Variants in DPH6 observed in about 807,000 individuals in gnomAD.
The protein encoded by DPH6 is diphthamine biosynthesis 6, also known as diphthine--ammonia ligase.
A neutral mutation model predicts 38.2 loss-of-function variants in DPH6; 33 were observed. The observed-to-expected ratio is 0.86, with a 90% CI of 0.65 to 1.15. The LOEUF is 1.15. Among genes scored for constraint, DPH6 ranks in the 50% most tolerant of loss-of-function variants. DPH6 has a pLI of 0.00. For synonymous variants in DPH6, 108 were observed against 103.0 expected (o/e 1.05, Z -0.30); for missense variants, 325 against 320.0 (o/e 1.02, Z -0.12).
At chr15:35,392,029 A>G (rs2053066447) in intron 6 of DPH6, among the ~76,000 whole-genome samples, 1 of 152,218 alleles carries the variant, frequency 6.6e-6, no homozygotes, top group Non-Finnish European at 1.5e-5. Context: ...GTTCTCTTTT[A>G]GAGAAGGTGA....
intron 3 of DPH6, among the ~76,000 whole-genome samples, chr15:35,234,888 C>A (rs1468583421): frequency 6.6e-6 from 1 of 152,166 alleles, no homozygotes; most frequent in Non-Finnish European, 1.5e-5. Context: ...AATGTCCTAT[C>A]AGGATGGAGT....
At chr15:35,294,830 G>A (rs2052004521) in intron 3 of DPH6, among the ~76,000 whole-genome samples, 1 of 152,170 alleles carries the variant, frequency 6.6e-6, no homozygotes. Context: ...CTGGAGTGAG[G>A]GAAGGTTTTC....
intron 3 of DPH6, among the ~76,000 whole-genome samples, chr15:35,229,869 C>T (rs1185837121): frequency 1.3e-5 from 2 of 152,226 alleles, no homozygotes. Context: ...GTTCTCTTCC[C>T]TTACTTTCTC....
chr15:35,149,984 G>A, the DPH6 span, among the ~76,000 whole-genome samples: 6 of 152,150 alleles, frequency 3.9e-5, no homozygotes, highest in Admixed American at 6.5e-5. Context: ...CTACATATGC[G>A]ATCCCGATGC....
At chr15:35,237,871 T>G in intron 3 of DPH6, 1 of 1,492,686 alleles carries the variant, frequency 6.7e-7, no homozygotes, top group Non-Finnish European at 9.3e-7. Context: ...ATGACGAAGA[T>G]GCTCAGGTAG....
At chr15:35,535,091 G>A (rs2055149183) in intron 3 of DPH6, among the ~76,000 whole-genome samples, 3 of 152,170 alleles carry the variant, frequency 2.0e-5, no homozygotes, top group Admixed American at 6.5e-5. Context: ...GAGGACAAGG[G>A]ATGTGTCACT....
chr15:35,391,060 A>G (rs2053048930), intron 6 of DPH6, among the ~76,000 whole-genome samples: 1 of 152,122 alleles, frequency 6.6e-6, no homozygotes, highest in Admixed American at 6.5e-5. Flanking sequence ...TCCTTCTAAC[A>G]GTCAGGACCC....
At chr15:35,489,436 T>C in intron 3 of DPH6, 2 of 984,982 alleles carry the variant, frequency 2.0e-6, no homozygotes, top group African/African-American at 1.7e-5. Context: ...CTGTCATTTG[T>C]AGCCCAAGAC....
intron 5 of DPH6, among the ~76,000 whole-genome samples, chr15:35,446,892 G>T (rs895681490): frequency 6.7e-6 from 1 of 149,120 alleles, no homozygotes; most frequent in African/African-American, 2.5e-5. Flanking sequence ...TTCCTGAGAC[G>T]GAGTCTTGCT....
chr15:35,175,254 A>G, the DPH6 span, among the ~76,000 whole-genome samples: 2 of 152,140 alleles, frequency 1.3e-5, no homozygotes, highest in African/African-American at 4.8e-5. Flanking sequence ...CATAACACTC[A>G]CCCTGTTTTC....
At chr15:35,295,646 CT>C (rs2052009615) in intron 3 of DPH6, among the ~76,000 whole-genome samples, 1 of 152,152 alleles carries the variant, frequency 6.6e-6, no homozygotes, top group East Asian at 1.9e-4. Context: ...ACCAACAATC[CT>C]TTCCTCCACC....
At chr15:35,287,158 A>AATC (rs1261175069) in intron 3 of DPH6, among the ~76,000 whole-genome samples, 3 of 152,182 alleles carry the variant, frequency 2.0e-5, no homozygotes, top group Non-Finnish European at 4.4e-5. Flanking sequence ...TGTTTAAAAA[A>AATC]ATCTTTTTAT....
At chr15:35,277,453 T>C (rs1442215530) in intron 3 of DPH6, among the ~76,000 whole-genome samples, 1 of 152,158 alleles carries the variant, frequency 6.6e-6, no homozygotes, top group Non-Finnish European at 1.5e-5. Context: ...CCTCAGGTAT[T>C]TCTTTAGAGT....
At chr15:35,310,048 C>G (rs1357931969) in intron 3 of DPH6, among the ~76,000 whole-genome samples, 1 of 152,074 alleles carries the variant, frequency 6.6e-6, no homozygotes, top group Non-Finnish European at 1.5e-5. Flanking sequence ...GTGACTCAAA[C>G]TTAGGTGAAC....
At chr15:35,406,108 T>A (rs1193503393) in intron 6 of DPH6, among the ~76,000 whole-genome samples, 1 of 151,750 alleles carries the variant, frequency 6.6e-6, no homozygotes, top group Admixed American at 6.6e-5. Context: ...AAGAGAAAAA[T>A]GGCAGCTCAA....
At chr15:35,286,688 T>C (rs1425252463) in intron 3 of DPH6, among the ~76,000 whole-genome samples, 1 of 152,256 alleles carries the variant, frequency 6.6e-6, no homozygotes, top group Admixed American at 6.5e-5. Context: ...TAGAAAACTT[T>C]GTCTGAAAAG....
chr15:35,351,924 T>C (rs192447748), intron 3 of DPH6, among the ~76,000 whole-genome samples: 52 of 152,176 alleles, frequency 3.4e-4, no homozygotes, highest in African/African-American at 1.3e-3. Flanking sequence ...CTCCCTATGT[T>C]GCCCATACTG....
At chr15:35,467,075 A>C (rs888533192) in intron 3 of DPH6, among the ~76,000 whole-genome samples, 1 of 152,182 alleles carries the variant, frequency 6.6e-6, no homozygotes, top group Non-Finnish European at 1.5e-5. Flanking sequence ...TTAAATAATA[A>C]ATTAAACTTA....
intron 3 of DPH6, among the ~76,000 whole-genome samples, chr15:35,266,537 A>C (rs2051784934): frequency 6.6e-6 from 1 of 152,248 alleles, no homozygotes. Context: ...CTGTCAAGCA[A>C]CTAACATAAA....
Sources: gnomAD v4.1 joint callset for allele counts (sites outside exome capture counted in the v4.1 genomes callset) on GRCh38, gnomAD v4.1.1 for gene constraint, MANE v1.5 for transcripts, NCBI Gene and HGNC (gene_info 2026-07-23, HGNC 2026-07-21) for gene names.